Variants in PRKN observed in about 807,000 individuals in gnomAD.
PRKN encodes the protein parkin RBR E3 ubiquitin protein ligase, also known as E3 ubiquitin-protein ligase parkin.
Under a neutral mutation model 59.5 loss-of-function variants are expected in PRKN, and 56 were observed. The observed-to-expected ratio is 0.94, with a 90% CI of 0.76 to 1.18. The LOEUF (loss-of-function observed/expected upper bound fraction) is 1.18, where lower values mean the gene tolerates loss of function less well. Among genes scored for constraint, PRKN ranks in the 50% most tolerant of loss-of-function variants. PRKN has a pLI of 0.00. For synonymous variants in PRKN, 250 were observed against 222.1 expected (o/e 1.13, Z -1.12); for missense variants, 657 against 596.4 (o/e 1.10, Z -1.06).
chr6:161,755,493 AC>A (rs1788878770), intron 7 of PRKN, among the ~76,000 whole-genome samples: 1 of 152,124 alleles, frequency 6.6e-6, no homozygotes, highest in Non-Finnish European at 1.5e-5. Context: ...TGTGAAAAAT[AC>A]ATATCTTGCA....
chr6:162,178,684 G>T (rs1394710440), intron 4 of PRKN, among the ~76,000 whole-genome samples: 2 of 152,146 alleles, frequency 1.3e-5, no homozygotes, highest in Non-Finnish European at 2.9e-5. Flanking sequence ...TCCTGCAATG[G>T]TCAGCTTTAT....
chr6:161,654,281 A>C (rs1352910912), intron 7 of PRKN, among the ~76,000 whole-genome samples: 2 of 152,192 alleles, frequency 1.3e-5, no homozygotes, highest in African/African-American at 4.8e-5. Flanking sequence ...CTACCTGAAA[A>C]TGTATACATC....
chr6:161,537,653 A>T (rs112336085), intron 9 of PRKN, among the ~76,000 whole-genome samples: 12 of 152,024 alleles, frequency 7.9e-5, no homozygotes, highest in Admixed American at 2.6e-4. Context: ...GGGTTTCACC[A>T]TGTTAGCCTG....
intron 1 of PRKN, among the ~76,000 whole-genome samples, chr6:162,723,857 G>A (rs192485361): frequency 3.2e-4 from 49 of 152,304 alleles, no homozygotes; most frequent in Non-Finnish European, 6.2e-4. Context: ...GGCAGGAATC[G>A]CTGTGGAGTG....
chr6:161,852,260 A>C lies in PRKN; in HGVS notation c.735-66352T>G, dbSNP rs932695959. Among the ~76,000 whole-genome samples the C allele has an allele frequency of 2.0e-5, 3 of 152,144 alleles. No individual in the cohort carries two copies. In the East Asian group the frequency reaches 5.8e-4, roughly 29 times the overall value. ...CAGGAGTTTGAGACCAGCCTGGACA[A>C]CATAGTGAGACTCCATCTCTACAAA... On this transcript the variant is annotated intron_variant, in intron 6 of 11. Coordinates refer to ENST00000366898, the MANE Select transcript of PRKN (RefSeq NM_004562.3).
intron 7 of PRKN, among the ~76,000 whole-genome samples, chr6:161,672,094 A>T (rs1378243325): frequency 5.9e-5 from 9 of 152,194 alleles, no homozygotes; most frequent in Non-Finnish European, 4.4e-5. Flanking sequence ...CTTGAAGACA[A>T]ATCAACCACA....
At chr6:162,457,848 T>C (rs898339104) in intron 1 of PRKN, among the ~76,000 whole-genome samples, 2 of 152,216 alleles carry the variant, frequency 1.3e-5, no homozygotes, top group East Asian at 1.9e-4. Flanking sequence ...TGGCCGGGCG[T>C]GGTGGCTCTC....
At chr6:162,608,158 T>C (rs573228671) in intron 1 of PRKN, among the ~76,000 whole-genome samples, 1 of 152,172 alleles carries the variant, frequency 6.6e-6, no homozygotes, top group African/African-American at 2.4e-5. Context: ...GCATAAACAA[T>C]GGTGTTATTG....
Position 161,402,828 on chromosome 6 carries a change from G to A in PRKN, c.1084-15951C>T, listed in dbSNP as rs1787108188. 6.6e-6 allele frequency among the ~76,000 whole-genome samples: 1 copy of A among 152,090 alleles called. No individual in the cohort carries two copies. The highest frequency in any genetic ancestry group is 1.5e-5 in the Non-Finnish European group (1 of 68,016). On this transcript the variant is annotated intron_variant, in intron 9 of 11. Transcript: ENST00000366898. The surrounding 1 kb of genome is among the most constrained non-coding windows in gnomAD (Gnocchi z 4.5). ...TATTATGTAGATAAACAATCTCTCA[G>A]GTAATAAAAGTTGTCTCCGAGCAGC...
intron 7 of PRKN, among the ~76,000 whole-genome samples, chr6:161,768,153 C>T (rs925909117): frequency 6.6e-6 from 1 of 151,484 alleles, no homozygotes; most frequent in South Asian, 2.1e-4. Context: ...TGACTAAACA[C>T]GAAGGGGGCT....
chr6:162,383,879 G>A (rs982298725), intron 2 of PRKN, among the ~76,000 whole-genome samples: 6 of 152,200 alleles, frequency 3.9e-5, no homozygotes, highest in Admixed American at 3.9e-4. Context: ...CACCTTACAT[G>A]TCTATGCAGT....
At chr6:162,546,462 CTT>C (rs1247960418) in intron 1 of PRKN, among the ~76,000 whole-genome samples, 190 of 144,698 alleles carry the variant, frequency 1.3e-3, no homozygotes, top group Non-Finnish European at 2.5e-3. Context: ...GAAACAAACT[CTT>C]TTTTTTTTTT....
At chr6:161,506,458 C>T (rs1413536299) in intron 9 of PRKN, among the ~76,000 whole-genome samples, 1 of 152,234 alleles carries the variant, frequency 6.6e-6, no homozygotes, top group Non-Finnish European at 1.5e-5. Flanking sequence ...GATATACAAT[C>T]ATGTCATCTG....
intron 3 of PRKN, among the ~76,000 whole-genome samples, chr6:162,202,658 T>A (rs1328592405): frequency 1.3e-5 from 2 of 152,182 alleles, no homozygotes; most frequent in East Asian, 1.9e-4. Context: ...AACATAATAA[T>A]GACATAAAAT....
At chr6:161,880,608 G>A (rs1210986250) in intron 6 of PRKN, among the ~76,000 whole-genome samples, 2 of 152,158 alleles carry the variant, frequency 1.3e-5, no homozygotes, top group Non-Finnish European at 2.9e-5. Context: ...CACGAGGTGG[G>A]GTGGGAGGTT....
chr6:161,456,971 C>A lies in PRKN; in HGVS notation c.1084-70094G>T, dbSNP rs1334994506. Among the ~76,000 whole-genome samples the A allele has an allele frequency of 1.3e-5, 2 of 152,152 alleles. No individual in the cohort carries two copies. The highest frequency in any genetic ancestry group is 1.3e-4 in the Admixed American group (2 of 15,284). On this transcript the variant is annotated intron_variant, in intron 9 of 11. Transcript: ENST00000366898. This position sits in a 1 kb window ranked among gnomAD's most constrained non-coding sequence, Gnocchi z 4.8. The stretch of plus-strand genomic sequence containing the variant: ...ACTTGCCCTCTCAGAGCCTTTGCCT[C>A]CACTGTGGTCCTACCAGAGAGCTGA...
At chr6:161,662,638 A>G (rs1246564900) in intron 7 of PRKN, among the ~76,000 whole-genome samples, 1 of 150,588 alleles carries the variant, frequency 6.6e-6, no homozygotes, top group Admixed American at 6.6e-5. Context: ...CAGACCTCCA[A>G]CTTTAGCAAA....
At chr6:161,885,402 A>AT (rs368917555) in intron 6 of PRKN, among the ~76,000 whole-genome samples, 20 of 152,064 alleles carry the variant, frequency 1.3e-4, no homozygotes, top group Admixed American at 5.2e-4. Context: ...GCGGTGGCTC[A>AT]GCCTGTAATC....
At chr6:161,744,504 G>A (rs763752687) in intron 7 of PRKN, among the ~76,000 whole-genome samples, 24 of 152,076 alleles carry the variant, frequency 1.6e-4, no homozygotes, top group African/African-American at 5.6e-4. Context: ...AACCAGCACC[G>A]GTTGCTCCAT....
Sources: gnomAD v4.1 joint callset for allele counts (sites outside exome capture counted in the v4.1 genomes callset) on GRCh38, gnomAD v4.1.1 for gene constraint, Gnocchi (gnomAD v3.1) non-coding constraint, MANE v1.5 for transcripts, NCBI Gene and HGNC (gene_info 2026-07-23, HGNC 2026-07-21) for gene names.